Variants in ASIC2 observed in about 807,000 individuals in gnomAD.
ASIC2 encodes acid sensing ion channel subunit 2, also known as acid-sensing ion channel 2.
Under a neutral mutation model 57.3 loss-of-function variants are expected in ASIC2, and 25 were observed. That is an observed-to-expected ratio of 0.44 (90% CI 0.32 to 0.61). The LOEUF is 0.61. Ranked by LOEUF, ASIC2 falls within the 20% of genes least tolerant of loss-of-function variation. The pLI, the probability that ASIC2 is intolerant of heterozygous loss-of-function variation, is 0.06. For synonymous variants in ASIC2, 319 were observed against 307.5 expected, an observed-to-expected ratio of 1.04 and a Z score of -0.39; for missense variants, 641 against 738.1, an observed-to-expected ratio of 0.87 and a Z score of 1.52.
At chr17:33,412,446 T>C (rs1194100711) in intron 1 of ASIC2, among the ~76,000 whole-genome samples, 1 of 152,208 alleles carries the variant, frequency 6.6e-6, no homozygotes, top group African/African-American at 2.4e-5. Flanking sequence ...ACGTGTGGCC[T>C]CCTGTCCTCC....
chr17:34,012,885 G>A (rs1906822389), intron 1 of ASIC2, among the ~76,000 whole-genome samples: 1 of 152,146 alleles, frequency 6.6e-6, no homozygotes, highest in Admixed American at 6.5e-5. Flanking sequence ...GCTAGTGTGG[G>A]TTCCTGGTGA....
chr17:33,338,108 AGG>A (rs1239360067), intron 1 of ASIC2, among the ~76,000 whole-genome samples: 1 of 150,952 alleles, frequency 6.6e-6, no homozygotes, highest in African/African-American at 2.4e-5. Flanking sequence ...GGTTTCTCTG[AGG>A]TGCTCTGGAA....
intron 1 of ASIC2, among the ~76,000 whole-genome samples, chr17:33,720,919 G>A (rs1282696202): frequency 6.6e-6 from 1 of 152,192 alleles, no homozygotes; most frequent in Non-Finnish European, 1.5e-5. Context: ...TGAGGCCTTG[G>A]ACTAATTATT....
At chr17:33,178,354 A>C (rs1905844197) in intron 1 of ASIC2, among the ~76,000 whole-genome samples, 1 of 152,230 alleles carries the variant, frequency 6.6e-6, no homozygotes, top group Admixed American at 6.5e-5. Context: ...ACATGTAAAC[A>C]ACTGTGTGGT....
At chr17:33,329,920 G>C (rs1368554444) in intron 1 of ASIC2, among the ~76,000 whole-genome samples, 1 of 152,102 alleles carries the variant, frequency 6.6e-6, no homozygotes, top group Non-Finnish European at 1.5e-5. Flanking sequence ...CCTACTTGGG[G>C]CAAGAGGGGA....
In ASIC2 at chr17:33,381,783, C is replaced by T. The variant is rs115010938; in HGVS notation, c.556-269716G>A. Among the ~76,000 whole-genome samples the T allele has an allele frequency of 2.4e-4, 36 of 152,306 alleles. 1 individual carries two copies. The highest frequency in any genetic ancestry group is 7.9e-4 in the African/African-American group (33 of 41,578). ...GGCAAAGTCAGGCCCAGCCTCAAAT[C>T]CCAACTCCTCCATTACTAGCCGAAT... On this transcript the variant is annotated intron_variant, in intron 1 of 9. Transcript: ENST00000359872.
At chr17:33,232,737 A>G (rs1426267599) in intron 1 of ASIC2, among the ~76,000 whole-genome samples, 1 of 152,174 alleles carries the variant, frequency 6.6e-6, no homozygotes, top group East Asian at 1.9e-4. Flanking sequence ...AAAAAGTCTG[A>G]CATTTTTTCA....
intron 1 of ASIC2, among the ~76,000 whole-genome samples, chr17:33,989,847 G>A (rs1291968028): frequency 1.3e-5 from 2 of 152,186 alleles, no homozygotes; most frequent in Non-Finnish European, 2.9e-5. Context: ...AGGCACACAG[G>A]AGACCTGGAG....
chr17:33,177,991 T>A (rs1411864730), intron 1 of ASIC2, among the ~76,000 whole-genome samples: 1 of 152,158 alleles, frequency 6.6e-6, no homozygotes, highest in Admixed American at 6.5e-5. Context: ...TGCGTGCACA[T>A]ACATACACAC....
intron 1 of ASIC2, among the ~76,000 whole-genome samples, chr17:34,099,133 AGAGAGAGAGAGACAGAGAGAGAGAGAGAG>A: frequency 1.7e-4 from 4 of 23,468 alleles, no homozygotes; most frequent in African/African-American, 4.5e-4. Flanking sequence ...AGAGAGAGAG[AGAGAGAGAGAGACAGAGAGAGAGAGAGAG>A]AGAAAGAAAG....
chr17:33,292,366 G>A lies in ASIC2; in HGVS notation c.-251C>T. 1 of 985,850 alleles carries A rather than the reference G, an allele frequency of 1.0e-6. No individual in the cohort carries two copies. The highest frequency in any genetic ancestry group is 1.2e-6 in the Non-Finnish European group (1 of 830,610). 61.1% of individuals were successfully genotyped at this position (985,850 alleles called of 1,614,324 possible). On this transcript the variant is annotated 5_prime_UTR_variant, in exon 1 of 10. Transcript: ENST00000225823. ...CCCCTGGCAGTGGCCTCTCCCGAGC[G>A]CCTCCCAGGCTTTCCCGGCCCCTGG...
At chr17:33,418,229 A>C (rs1486251623) in intron 1 of ASIC2, among the ~76,000 whole-genome samples, 6 of 152,124 alleles carry the variant, frequency 3.9e-5, no homozygotes, top group Admixed American at 1.3e-4. Flanking sequence ...AGGATTCAGG[A>C]ATTTATGGGT....
At chr17:33,715,384 C>G (rs923828185) in intron 1 of ASIC2, among the ~76,000 whole-genome samples, 2 of 152,148 alleles carry the variant, frequency 1.3e-5, no homozygotes, top group Admixed American at 1.3e-4. Context: ...GGGAACGTGG[C>G]TTGCTGGAGT....
In ASIC2 at chr17:33,648,637, G is replaced by T. The variant is rs996303160; in HGVS notation, c.555+507341C>A. 3.9e-5 allele frequency among the ~76,000 whole-genome samples: 6 copies of T among 152,334 alleles called. No homozygotes were observed. The East Asian group carries it at 9.6e-4, about 24-fold the overall frequency. On this transcript the variant is annotated intron_variant, in intron 1 of 9. Coordinates refer to the ASIC2 transcript ENST00000359872. ...GTGAAACTCTAGGGTCTCTATTTGT[G>T]TCAAATACAATGGGGGCTGTGCCTC...
chr17:33,416,637 A>G (rs781599230), intron 1 of ASIC2, among the ~76,000 whole-genome samples: 1 of 152,170 alleles, frequency 6.6e-6, no homozygotes, highest in Non-Finnish European at 1.5e-5. Flanking sequence ...CCGTTGTGGG[A>G]AGATGGCAAT....
At chr17:33,019,764 A>T (rs115064022) in intron 7 of ASIC2, among the ~76,000 whole-genome samples, 3,687 of 152,080 alleles carry the variant, frequency 0.024, 151 homozygotes, top group African/African-American at 0.082. Flanking sequence ...GACATGACAA[A>T]TTCAGAGCTC....
chr17:33,238,202 G>A (rs1908369413), intron 1 of ASIC2, among the ~76,000 whole-genome samples: 1 of 152,214 alleles, frequency 6.6e-6, no homozygotes, highest in Admixed American at 6.5e-5. Context: ...GATCCCACAG[G>A]TGAAATCGCA....
chr17:33,146,185 T>C (rs1302453581), intron 1 of ASIC2, among the ~76,000 whole-genome samples: 1 of 152,076 alleles, frequency 6.6e-6, no homozygotes, highest in Non-Finnish European at 1.5e-5. Context: ...TCCCTGGAAG[T>C]CAGCAGAATG....
intron 1 of ASIC2, among the ~76,000 whole-genome samples, chr17:33,826,951 T>C (rs1912938943): frequency 6.6e-6 from 1 of 152,168 alleles, no homozygotes; most frequent in Non-Finnish European, 1.5e-5. Context: ...GGAGAAACCT[T>C]TATGTATTTT....
Sources: allele counts gnomAD v4.1 joint callset (sites outside exome capture counted in the v4.1 genomes callset), GRCh38; gene constraint gnomAD v4.1.1; transcripts MANE v1.5; gene names NCBI Gene and HGNC (gene_info 2026-07-23, HGNC 2026-07-21).